The following LPP variants were observed in gnomAD, a reference collection of about 807,000 sequenced individuals.
LPP encodes LIM domain containing preferred translocation partner in lipoma.
LPP carries 38 observed loss-of-function variants against 60.4 expected under a neutral mutation model. That is an observed-to-expected ratio of 0.63 (90% CI 0.49 to 0.83). The LOEUF (loss-of-function observed/expected upper bound fraction) is 0.83, where lower values mean the gene tolerates loss of function less well. Among genes scored for constraint, LPP ranks in the 40% least tolerant of loss-of-function variants. The pLI is 0.00. For missense variants in LPP, 902 were observed against 783.6 expected (o/e 1.15, Z -1.80); for synonymous variants, 328 against 290.8 (o/e 1.13, Z -1.30).
chr3:188,395,361 G>A (rs1053967985), intron 3 of LPP, among the ~76,000 whole-genome samples: 4 of 152,036 alleles, frequency 2.6e-5, no homozygotes, highest in Non-Finnish European at 4.4e-5. Context: ...TGGGATTAGA[G>A]AGGCGAGCCA....
At chr3:188,566,809 GC>G (rs1269547201) in intron 6 of LPP, among the ~76,000 whole-genome samples, 6 of 151,734 alleles carry the variant, frequency 4.0e-5, no homozygotes, top group African/African-American at 1.5e-4. Flanking sequence ...TCAGAGCAAG[GC>G]TTGGAGGGTG....
intron 9 of LPP, among the ~76,000 whole-genome samples, chr3:188,807,302 T>A (rs1043848944): frequency 2.0e-5 from 3 of 152,002 alleles, no homozygotes; most frequent in Non-Finnish European, 4.4e-5. Context: ...AAGCTATGTT[T>A]ATTAGGGTTT....
At chr3:188,358,197 A>T (rs1768164841) in intron 3 of LPP, among the ~76,000 whole-genome samples, 1 of 152,198 alleles carries the variant, frequency 6.6e-6, no homozygotes, top group Admixed American at 6.5e-5. Flanking sequence ...AGATCCAGAG[A>T]TGTTACATAA....
chr3:188,776,202 G>A (rs1737717085), intron 9 of LPP, among the ~76,000 whole-genome samples: 1 of 152,172 alleles, frequency 6.6e-6, no homozygotes, highest in Non-Finnish European at 1.5e-5. Flanking sequence ...GAGCTCAGAG[G>A]AAAGGCCATG....
chr3:188,263,815 AT>A (rs1734510238), intron 2 of LPP, among the ~76,000 whole-genome samples: 1 of 151,980 alleles, frequency 6.6e-6, no homozygotes, highest in Admixed American at 6.5e-5. Flanking sequence ...GCGTCCTCTC[AT>A]TTTCCTGCCT....
chr3:188,493,231 G>A (rs998657220), intron 5 of LPP, among the ~76,000 whole-genome samples: 27 of 152,070 alleles, frequency 1.8e-4, no homozygotes, highest in Admixed American at 1.6e-3. Flanking sequence ...CTTCAGTATT[G>A]TACCAAGATT....
chr3:188,885,030 A>G lies in LPP; in HGVS notation c.*10551A>G, dbSNP rs1421349841. ...TCAAAAAACCTCCTAGAAAGTCTCC[A>G]TGTATGCTCTAGAAGTTGCTCTACG... On this transcript the variant is annotated 3_prime_UTR_variant, in exon 12 of 12. Coordinates refer to ENST00000617246, the MANE Select transcript of LPP (RefSeq NM_001375462.1). 1 of 213,612 alleles carries G rather than the reference A, an allele frequency of 4.7e-6. No homozygotes were observed. The highest frequency in any genetic ancestry group is 9.5e-6 in the Non-Finnish European group (1 of 105,708). The allele number at this position is 213,612 out of a possible 1,614,324, so 13.2% of individuals were successfully genotyped here. A position where few individuals can be genotyped will look rare whatever the true frequency, so the allele number is the denominator to read the frequency against.
chr3:188,505,467 C>G (rs1813191587), intron 5 of LPP, among the ~76,000 whole-genome samples: 2 of 152,090 alleles, frequency 1.3e-5, no homozygotes, highest in Non-Finnish European at 2.9e-5. Flanking sequence ...CTTTCTTTAT[C>G]TAATTATTTG....
At chr3:188,241,668 C>A (rs1209720144) in intron 2 of LPP, among the ~76,000 whole-genome samples, 1 of 152,148 alleles carries the variant, frequency 6.6e-6, no homozygotes, top group Non-Finnish European at 1.5e-5. Flanking sequence ...CTTCTCTCTT[C>A]AGACCTACAG....
At chr3:188,212,723 C>A (rs1167295032) in intron 1 of LPP, 2 of 151,654 alleles carry the variant, frequency 1.3e-5, no homozygotes, top group Non-Finnish European at 2.9e-5. Context: ...GTTCTGTTCC[C>A]TTCAGGCTTC....
At chr3:188,423,294 C>A (rs1365326077) in intron 4 of LPP, among the ~76,000 whole-genome samples, 1 of 152,274 alleles carries the variant, frequency 6.6e-6, no homozygotes, top group African/African-American at 2.4e-5. Context: ...TTTATGGCTG[C>A]ATAGTATTCC....
chr3:188,714,516 G>A (rs1016287636), intron 8 of LPP, among the ~76,000 whole-genome samples: 5 of 151,620 alleles, frequency 3.3e-5, no homozygotes, highest in Non-Finnish European at 4.4e-5. Flanking sequence ...AATAGCCACC[G>A]TTCTTATTTT....
chr3:188,568,909 T>TA (rs1191391934), intron 6 of LPP: 1 of 152,006 alleles, frequency 6.6e-6, no homozygotes, highest in African/African-American at 2.4e-5. Flanking sequence ...AGGGGGAACT[T>TA]ACGCTTCAGT....
chr3:188,235,837 A>G (rs1434011069), intron 2 of LPP, among the ~76,000 whole-genome samples: 2 of 152,150 alleles, frequency 1.3e-5, no homozygotes, highest in Non-Finnish European at 2.9e-5. Flanking sequence ...TGCTTTGTGT[A>G]TACATCCAAT....
At chr3:188,692,350 A>T (rs750073542) in intron 7 of LPP, among the ~76,000 whole-genome samples, 24 of 152,228 alleles carry the variant, frequency 1.6e-4, no homozygotes, top group Admixed American at 1.4e-3. Context: ...ACAAAGAGGG[A>T]CATAAAGGTT....
intron 6 of LPP, among the ~76,000 whole-genome samples, chr3:188,579,650 G>A (rs1175548901): frequency 1.5e-4 from 4 of 27,022 alleles, no homozygotes; most frequent in Non-Finnish European, 2.1e-4. Flanking sequence ...TCTAAATCTC[G>A]CTTTTTTTTT....
chr3:188,820,767 G>A (rs933127722), intron 9 of LPP, among the ~76,000 whole-genome samples: 2 of 151,788 alleles, frequency 1.3e-5, no homozygotes, highest in African/African-American at 2.4e-5. Context: ...TAAATATAAC[G>A]TTAACTCCGA....
chr3:188,660,455 A>G (rs1000269988), intron 7 of LPP, among the ~76,000 whole-genome samples: 1 of 152,202 alleles, frequency 6.6e-6, no homozygotes, highest in Non-Finnish European at 1.5e-5. Context: ...TTTCAGGTAA[A>G]TATTTGTTCC....
intron 2 of LPP, among the ~76,000 whole-genome samples, chr3:188,312,612 G>A (rs1425359650): frequency 6.6e-6 from 1 of 151,946 alleles, no homozygotes; most frequent in Non-Finnish European, 1.5e-5. Flanking sequence ...TTGAACCATT[G>A]AAATTTTATT....
Sources: gnomAD v4.1 joint callset for allele counts (sites outside exome capture counted in the v4.1 genomes callset) on GRCh38, gnomAD v4.1.1 for gene constraint, MANE v1.5 for transcripts, NCBI Gene and HGNC (gene_info 2026-07-23, HGNC 2026-07-21) for gene names.